SPATA9: variants seen among roughly 807,000 people sequenced by gnomAD.
The protein encoded by SPATA9 is spermatogenesis associated 9, also known as spermatogenesis-associated protein 9.
A neutral mutation model predicts 25.5 loss-of-function variants in SPATA9; 27 were observed. That is an observed-to-expected ratio of 1.06 (90% CI 0.78 to 1.46). The LOEUF (loss-of-function observed/expected upper bound fraction) is 1.46. Ranked by LOEUF, SPATA9 falls within the 40% of genes most tolerant of loss-of-function variation. The probability of loss-of-function intolerance (pLI) is 0.00; values close to 1 mark genes in which losing one functional copy is unlikely to be tolerated. For synonymous variants in SPATA9, 102 were observed against 105.7 expected (o/e 0.97, Z 0.21); for missense variants, 282 against 297.5 (o/e 0.95, Z 0.38).
At chr5:95,697,118 G>A (rs1158965991) in intron 1 of SPATA9, among the ~76,000 whole-genome samples, 1 of 152,126 alleles carries the variant, frequency 6.6e-6, no homozygotes, top group African/African-American at 2.4e-5. Context: ...AGTTTCTTTG[G>A]GTAAGGAATT....
upstream of SPATA9, among the ~76,000 whole-genome samples, chr5:95,699,207 T>A (rs565777801): frequency 6.6e-6 from 1 of 152,224 alleles, no homozygotes; most frequent in African/African-American, 2.4e-5. Context: ...CTAACCTGAG[T>A]TCATATCCTG....
chr5:95,678,376 CA>C lies in SPATA9; in HGVS notation c.151-2738del, dbSNP rs1181563737. Among the ~76,000 whole-genome samples, 4 of 151,788 alleles carry C rather than the reference CA, an allele frequency of 2.6e-5. No individual in the cohort carries two copies. In the East Asian group the frequency reaches 7.7e-4, roughly 29 times the overall value. Reference sequence around the variant, plus strand: ...TGGGCGACAGAGCGAGACTCCATCTCAAAAAAATAAGTAAAATAAAATAAAA... The same window carrying C: ...TGGGCGACAGAGCGAGACTCCATCTCAAAAAATAAGTAAAATAAAATAAAA... On this transcript the variant is annotated intron_variant, in intron 2 of 4. Coordinates refer to ENST00000274432, the MANE Select transcript of SPATA9 (RefSeq NM_031952.4).
At chr5:95,663,927 A>G in intron 4 of SPATA9, 26 bp downstream of exon 4, 1 of 1,286,584 alleles carries the variant, frequency 7.8e-7, no homozygotes, top group Non-Finnish European at 1.1e-6. Flanking sequence ...ATTTATTTCT[A>G]GATTCTAATA....
the SPATA9 span, among the ~76,000 whole-genome samples, chr5:95,726,941 G>A: frequency 6.6e-6 from 1 of 151,686 alleles, no homozygotes; most frequent in Non-Finnish European, 1.5e-5. Flanking sequence ...TTAACTAGTA[G>A]TAAAGCTTAA....
intron 4 of SPATA9, among the ~76,000 whole-genome samples, chr5:95,661,382 A>G (rs1751249847): frequency 6.6e-6 from 1 of 152,138 alleles, no homozygotes; most frequent in African/African-American, 2.4e-5. Context: ...TTTCAAAACC[A>G]AAATTGTAAC....
chr5:95,676,815 A>AT (rs1752985009), intron 2 of SPATA9, among the ~76,000 whole-genome samples: 1 of 152,194 alleles, frequency 6.6e-6, no homozygotes, highest in South Asian at 2.1e-4. Flanking sequence ...TTTTCCTTCT[A>AT]TTCAACTGCT....
intron 1 of SPATA9, among the ~76,000 whole-genome samples, chr5:95,696,136 A>T (rs1415384850): frequency 1.3e-5 from 2 of 152,200 alleles, no homozygotes; most frequent in Non-Finnish European, 2.9e-5. Context: ...ACACTTAATT[A>T]TAGCTTTGTG....
downstream of SPATA9, chr5:95,652,377 C>G: frequency 1.3e-6 from 2 of 1,541,776 alleles, no homozygotes; most frequent in Non-Finnish European, 1.8e-6. Flanking sequence ...CAGTTTTTCT[C>G]TCTAGAAATT....
downstream of SPATA9, chr5:95,655,962 C>A: frequency 7.6e-7 from 1 of 1,307,968 alleles, no homozygotes; most frequent in Non-Finnish European, 1.1e-6. Context: ...TTTTTTTAAC[C>A]TGGTTCTTCT....
At chr5:95,714,383 A>G in the SPATA9 span, among the ~76,000 whole-genome samples, 2 of 152,228 alleles carry the variant, frequency 1.3e-5, 1 homozygote, top group South Asian at 4.1e-4. Flanking sequence ...CCGAAGAAAC[A>G]TCAACATGTA....
At chr5:95,677,631 A>G (rs1753069315) in intron 2 of SPATA9, among the ~76,000 whole-genome samples, 1 of 152,214 alleles carries the variant, frequency 6.6e-6, no homozygotes, top group Non-Finnish European at 1.5e-5. Flanking sequence ...AACAATAACC[A>G]ACAACAACAA....
chr5:95,725,650 A>G, the SPATA9 span, among the ~76,000 whole-genome samples: 1 of 152,270 alleles, frequency 6.6e-6, no homozygotes, highest in African/African-American at 2.4e-5. Context: ...TCAAGCTGCT[A>G]TAAAATTCTT....
intron 3 of SPATA9, among the ~76,000 whole-genome samples, chr5:95,665,701 A>T (rs963802112): frequency 2.0e-5 from 3 of 152,232 alleles, no homozygotes; most frequent in African/African-American, 4.8e-5. Context: ...TGGGCCGGAC[A>T]CAGTGGCTCA....
the SPATA9 span, among the ~76,000 whole-genome samples, chr5:95,715,693 CA>C: frequency 1.3e-5 from 2 of 151,884 alleles, no homozygotes; most frequent in African/African-American, 2.4e-5. Context: ...ATTTCTTTAA[CA>C]AGACAGAAAA....
intron 4 of SPATA9, among the ~76,000 whole-genome samples, chr5:95,661,848 G>A (rs1751295918): frequency 6.6e-6 from 1 of 151,452 alleles, no homozygotes; most frequent in South Asian, 2.1e-4. Context: ...ACACACACAT[G>A]CACACACCTG....
intron 3 of SPATA9, among the ~76,000 whole-genome samples, chr5:95,670,070 G>A (rs1248397356): frequency 6.6e-6 from 1 of 152,138 alleles, no homozygotes; most frequent in Non-Finnish European, 1.5e-5. Flanking sequence ...AATCGCTTTA[G>A]GCCATTCCTG....
chr5:95,730,026 TG>T, the SPATA9 span, among the ~76,000 whole-genome samples: 1 of 151,904 alleles, frequency 6.6e-6, no homozygotes, highest in Non-Finnish European at 1.5e-5. Context: ...TTTTTAAGGA[TG>T]GTTTAGGTTC....
chr5:95,683,109 G>A (rs2158095), upstream of SPATA9: 96,717 of 835,878 alleles, frequency 0.12, 6,262 homozygotes, highest in African/African-American at 0.22. Context: ...GAAGGAGTGA[G>A]GGGATTGAAT....
the SPATA9 span, among the ~76,000 whole-genome samples, chr5:95,704,208 A>C: frequency 1.3e-5 from 2 of 152,244 alleles, no homozygotes; most frequent in African/African-American, 4.8e-5. Flanking sequence ...GCAACCCCTG[A>C]ATGCAATATT....
Sources: gnomAD v4.1 joint callset for allele counts (sites outside exome capture counted in the v4.1 genomes callset) on GRCh38, gnomAD v4.1.1 for gene constraint, MANE v1.5 for transcripts, NCBI Gene and HGNC (gene_info 2026-07-23, HGNC 2026-07-21) for gene names.